Variants in PDE1C observed in about 807,000 individuals in gnomAD.
The protein encoded by PDE1C is phosphodiesterase 1C, also known as dual specificity calcium/calmodulin-dependent 3',5'-cyclic nucleotide phosphodiesterase 1C.
A neutral mutation model predicts 93.1 loss-of-function variants in PDE1C; 62 were observed. That is an observed-to-expected ratio of 0.67 (90% CI 0.54 to 0.82). PDE1C has a LOEUF of 0.82. Ranked by LOEUF, PDE1C falls within the 40% of genes least tolerant of loss-of-function variation. PDE1C has a pLI of 0.00. For synonymous variants in PDE1C, 325 were observed against 310.1 expected, an observed-to-expected ratio of 1.05 and a Z score of -0.50; for missense variants, 742 against 884.6, an observed-to-expected ratio of 0.84 and a Z score of 2.04.
At chr7:31,848,249 C>T (rs1792873256) in intron 8 of PDE1C, among the ~76,000 whole-genome samples, 153 bp from the exon 9 acceptor site, 2 of 152,142 alleles carry the variant, frequency 1.3e-5, no homozygotes, top group African/African-American at 4.8e-5. Flanking sequence ...TCAACTAACA[C>T]TACAAATCAT....
At chr7:31,965,249 A>C (rs568198230) in intron 2 of PDE1C, among the ~76,000 whole-genome samples, 1,623 of 152,338 alleles carry the variant, frequency 0.011, 25 homozygotes, top group African/African-American at 0.037. Flanking sequence ...TAACCAATGC[A>C]GAGAAGTCCT....
chr7:32,069,107 T>C (rs982374559), intron 1 of PDE1C, among the ~76,000 whole-genome samples: 1 of 152,332 alleles, frequency 6.6e-6, no homozygotes, highest in East Asian at 1.9e-4. Context: ...TTGAAATCAA[T>C]GGCAATGAAG....
At chr7:32,104,533 C>A (rs756309590) in intron 3 of PDE1C, among the ~76,000 whole-genome samples, 28 of 152,292 alleles carry the variant, frequency 1.8e-4, no homozygotes, top group Non-Finnish European at 3.2e-4. Context: ...CAGGGCTCAA[C>A]TTGACTTTTC....
At chr7:31,685,685 T>C in the PDE1C span, among the ~76,000 whole-genome samples, 1 of 152,176 alleles carries the variant, frequency 6.6e-6, no homozygotes, top group South Asian at 2.1e-4. Context: ...AACCTGCACG[T>C]CCTGCACATG....
chr7:32,269,687 C>A (rs113009271), intron 1 of PDE1C, among the ~76,000 whole-genome samples: 9 of 152,246 alleles, frequency 5.9e-5, no homozygotes, highest in African/African-American at 1.7e-4. Flanking sequence ...ACCATATTAA[C>A]CAGGCTGGTC....
chr7:32,385,567 T>A (rs1485745040), intron 1 of PDE1C, among the ~76,000 whole-genome samples: 3 of 152,116 alleles, frequency 2.0e-5, no homozygotes, highest in Non-Finnish European at 4.4e-5. Context: ...CAGAAGCTGG[T>A]AGGAAGCCCA....
At chr7:31,660,515 ATTT>A in the PDE1C span, among the ~76,000 whole-genome samples, 1 of 149,122 alleles carries the variant, frequency 6.7e-6, no homozygotes, top group Non-Finnish European at 1.5e-5. Flanking sequence ...TTCCTCTCCC[ATTT>A]TTTTTTTTCT....
chr7:32,316,625 A>G (rs1420477253), intron 1 of PDE1C, among the ~76,000 whole-genome samples: 1 of 152,166 alleles, frequency 6.6e-6, no homozygotes, highest in East Asian at 1.9e-4. Context: ...AAGTCTCTAC[A>G]TTGACAAGAC....
chr7:31,947,209 CCAAT>C (rs1806736837), intron 2 of PDE1C, among the ~76,000 whole-genome samples: 1 of 152,078 alleles, frequency 6.6e-6, no homozygotes, highest in South Asian at 2.1e-4. Flanking sequence ...CTATATTCTC[CCAAT>C]CAAAGAATGG....
At chr7:31,723,049 A>T in the PDE1C span, among the ~76,000 whole-genome samples, 3 of 151,966 alleles carry the variant, frequency 2.0e-5, no homozygotes, top group African/African-American at 7.3e-5. Context: ...CTGCCCTTCA[A>T]CTCATCTGTG....
the PDE1C span, among the ~76,000 whole-genome samples, chr7:31,672,515 T>C: frequency 2.7e-5 from 2 of 74,450 alleles, no homozygotes; most frequent in Non-Finnish European, 6.6e-5. Flanking sequence ...TTTATCTGAA[T>C]GGTAATGAGG....
chr7:31,866,244 T>C (rs930387478), intron 6 of PDE1C, among the ~76,000 whole-genome samples: 2 of 152,218 alleles, frequency 1.3e-5, no homozygotes, highest in Non-Finnish European at 2.9e-5. Context: ...TTAATACTCC[T>C]GAGATTCCAT....
At chr7:32,285,287 A>C (rs1278654483) in intron 1 of PDE1C, among the ~76,000 whole-genome samples, 2 of 152,194 alleles carry the variant, frequency 1.3e-5, no homozygotes, top group Non-Finnish European at 2.9e-5. Flanking sequence ...ACTTTGGAAA[A>C]GTTTGGCAGT....
At chr7:32,078,269 G>A (rs546371185) in intron 3 of PDE1C, among the ~76,000 whole-genome samples, 2 of 152,294 alleles carry the variant, frequency 1.3e-5, no homozygotes, top group East Asian at 3.9e-4. Context: ...CACACAAGTT[G>A]GCAGCAGAGC....
chr7:31,687,578 A>G, the PDE1C span, among the ~76,000 whole-genome samples: 1 of 152,212 alleles, frequency 6.6e-6, no homozygotes, highest in Non-Finnish European at 1.5e-5. Context: ...TTCACACAGG[A>G]TAGAGAGGTT....
At chr7:31,924,113 G>T (rs1379288380) in intron 2 of PDE1C, among the ~76,000 whole-genome samples, 1 of 152,052 alleles carries the variant, frequency 6.6e-6, no homozygotes, top group Non-Finnish European at 1.5e-5. Context: ...AGTAGAGGAG[G>T]ATAAATTAGG....
chr7:32,297,164 G>T (rs551983706), intron 1 of PDE1C, among the ~76,000 whole-genome samples: 3 of 152,132 alleles, frequency 2.0e-5, no homozygotes, highest in Admixed American at 1.3e-4. Context: ...GATTTGGTAC[G>T]TTTGGAGAAG....
rs1210650721 is a variant in PDE1C at position 32,151,087 on chromosome 7, C to T, written c.308+18698G>A. Among the ~76,000 whole-genome samples, 4 of 152,286 alleles carry T rather than the reference C, an allele frequency of 2.6e-5. No individual in the cohort carries two copies. In the East Asian group the frequency reaches 7.7e-4, roughly 29 times the overall value. On this transcript the variant is annotated intron_variant, in intron 3 of 18. Coordinates refer to the PDE1C transcript ENST00000396193. Reference sequence around the variant, plus strand: ...AGAAATCCTAAAAACATTACTTACTCTGGCCAATAATCAGTATTTATTTCC... The same window carrying T: ...AGAAATCCTAAAAACATTACTTACTTTGGCCAATAATCAGTATTTATTTCC...
chr7:32,261,139 G>A (rs1810166846), intron 1 of PDE1C, among the ~76,000 whole-genome samples: 1 of 152,038 alleles, frequency 6.6e-6, no homozygotes, highest in Admixed American at 6.5e-5. Flanking sequence ...AACTACAGTT[G>A]AGGGGTCATG....
Sources: gnomAD v4.1 joint callset for allele counts (sites outside exome capture counted in the v4.1 genomes callset) on GRCh38, gnomAD v4.1.1 for gene constraint, MANE v1.5 for transcripts, NCBI Gene and HGNC (gene_info 2026-07-23, HGNC 2026-07-21) for gene names.